NFIC: variants seen among roughly 807,000 people sequenced by gnomAD.
The protein encoded by NFIC is nuclear factor I C.
Under a neutral mutation model 54.4 loss-of-function variants are expected in NFIC, and 12 were observed. That is an observed-to-expected ratio of 0.22 (90% CI 0.14 to 0.36). The LOEUF (loss-of-function observed/expected upper bound fraction) is 0.36. Ranked by LOEUF, NFIC falls within the 10% of genes least tolerant of loss-of-function variation. The pLI is 1.00. For synonymous variants in NFIC, 322 were observed against 319.2 expected, an observed-to-expected ratio of 1.01 and a Z score of -0.09; for missense variants, 575 against 718.2, an observed-to-expected ratio of 0.80 and a Z score of 2.28.
intron 1 of NFIC, chr19:3,359,775 C>T: frequency 7.7e-7 from 1 of 1,300,754 alleles, no homozygotes; most frequent in Non-Finnish European, 9.9e-7. Flanking sequence ...TCTGGGGGGA[C>T]AGGGGGCGGG....
intron 2 of NFIC, among the ~76,000 whole-genome samples, chr19:3,409,057 G>C (rs1043368590): frequency 6.6e-6 from 1 of 152,020 alleles, no homozygotes; most frequent in African/African-American, 2.4e-5. Flanking sequence ...GTCTAAAATG[G>C]ATTGTATCAT....
intron 2 of NFIC, among the ~76,000 whole-genome samples, chr19:3,389,224 C>T (rs1325624343): frequency 6.6e-6 from 1 of 152,148 alleles, no homozygotes; most frequent in Non-Finnish European, 1.5e-5. Flanking sequence ...CCATAAAGCT[C>T]ACCCTGAGCT....
chr19:3,380,334 TG>T (rs1461669189), intron 1 of NFIC, among the ~76,000 whole-genome samples: 9 of 123,648 alleles, frequency 7.3e-5, no homozygotes, highest in African/African-American at 2.3e-4. Context: ...TTTTTTTTTT[TG>T]AGACAGTGTT....
chr19:3,359,907 A>G (rs2080788018), intron 1 of NFIC, among the ~76,000 whole-genome samples: 1 of 148,362 alleles, frequency 6.7e-6, no homozygotes, highest in African/African-American at 2.5e-5. Context: ...GCGCCGCGGG[A>G]GACCCCAAGT....
At chr19:3,384,393 T>C (rs972523742) in intron 2 of NFIC, among the ~76,000 whole-genome samples, 3 of 151,542 alleles carry the variant, frequency 2.0e-5, no homozygotes, top group Admixed American at 6.6e-5. Flanking sequence ...TTTTTTTTTT[T>C]CTTTCTTTTT....
At chr19:3,383,074 C>G (rs775260750) in intron 2 of NFIC, among the ~76,000 whole-genome samples, 4 of 152,014 alleles carry the variant, frequency 2.6e-5, no homozygotes, top group Non-Finnish European at 4.4e-5. Flanking sequence ...GTCTTGGGCA[C>G]AACGGACGGC....
At chr19:3,390,925 G>C (rs1002320588) in intron 2 of NFIC, among the ~76,000 whole-genome samples, 8 of 152,072 alleles carry the variant, frequency 5.3e-5, no homozygotes, top group African/African-American at 1.9e-4. Flanking sequence ...AGATGAGAAG[G>C]TTCTGGAGAG....
chr19:3,404,760 C>A (rs2081616973), intron 2 of NFIC, among the ~76,000 whole-genome samples: 1 of 152,242 alleles, frequency 6.6e-6, no homozygotes, highest in African/African-American at 2.4e-5. Context: ...GCGGCGTGGC[C>A]TCCCAGAGCG....
intron 6 of NFIC, among the ~76,000 whole-genome samples, chr19:3,447,548 C>A (rs1041008490): frequency 6.6e-6 from 1 of 152,186 alleles, no homozygotes; most frequent in South Asian, 2.1e-4. Context: ...GACGTTCCCT[C>A]GGAAAGCAGG....
chr19:3,361,551 G>A (rs955315003), upstream of NFIC, among the ~76,000 whole-genome samples: 1 of 144,984 alleles, frequency 6.9e-6, no homozygotes, highest in Non-Finnish European at 1.5e-5. Context: ...AAAGCCCAAG[G>A]CCAGGCTGGT....
chr19:3,456,666 G>A, intron 10 of NFIC, 31 bp downstream of exon 10: 1 of 1,444,032 alleles, frequency 6.9e-7, no homozygotes, highest in Non-Finnish European at 9.5e-7. Flanking sequence ...TGGTGGGGTG[G>A]GAGGGGCAGG....
intron 6 of NFIC, among the ~76,000 whole-genome samples, chr19:3,447,804 C>T (rs560614033): frequency 2.0e-4 from 30 of 152,374 alleles, no homozygotes; most frequent in African/African-American, 7.2e-4. Context: ...TCCCCCACAC[C>T]CAGGGGCTTT....
At chr19:3,385,668 GT>G (rs1335530121) in intron 2 of NFIC, among the ~76,000 whole-genome samples, 1 of 149,604 alleles carries the variant, frequency 6.7e-6, no homozygotes, top group Admixed American at 6.7e-5. Flanking sequence ...TGCCTCCCGG[GT>G]TCAAGCAATT....
In NFIC at chr19:3,453,143, G is replaced by C. The variant is rs1351514089; in HGVS notation, c.1269+477G>C. On this transcript the variant is annotated intron_variant, in intron 8 of 10. Coordinates refer to ENST00000443272, the MANE Select transcript of NFIC (RefSeq NM_001245002.2). The surrounding 1 kb of genome is among the most constrained non-coding windows in gnomAD (Gnocchi z 6.7). The stretch of plus-strand genomic sequence containing the variant: ...AGTCCCAGCTACTCAGGAGGCTGAG[G>C]TGGGAGGATCGCTTGAACCTGGGAG... Among the ~76,000 whole-genome samples the C allele has an allele frequency of 6.6e-6, 1 of 152,238 alleles. No individual in the cohort carries two copies. Among genetic ancestry groups the C allele is most frequent in the East Asian group, 1.9e-4 (1 of 5,198 alleles).
chr19:3,419,901 C>T (rs533666910), intron 2 of NFIC, among the ~76,000 whole-genome samples: 10 of 152,042 alleles, frequency 6.6e-5, no homozygotes, highest in Admixed American at 2.0e-4. Flanking sequence ...CTACAAAACC[C>T]CACAGCTAAC....
chr19:3,415,727 C>A (rs1483600926), intron 2 of NFIC, among the ~76,000 whole-genome samples: 1 of 152,148 alleles, frequency 6.6e-6, no homozygotes, highest in Non-Finnish European at 1.5e-5. Flanking sequence ...TCTCCCTAGA[C>A]AGCAATCTTT....
chr19:3,372,707 T>TCGG (rs1555739438), intron 1 of NFIC, among the ~76,000 whole-genome samples: 1 of 88,810 alleles, frequency 1.1e-5, no homozygotes, highest in African/African-American at 4.4e-5. Context: ...GGCCCAGGAG[T>TCGG]GGGGTGGGGG....
intron 3 of NFIC, among the ~76,000 whole-genome samples, chr19:3,429,416 A>G (rs1429003359): frequency 6.6e-6 from 1 of 151,158 alleles, no homozygotes; most frequent in African/African-American, 2.4e-5. Flanking sequence ...CTATCTCTAC[A>G]AAAAGTAATA....
chr19:3,426,598 C>T (rs1440759341), intron 3 of NFIC, among the ~76,000 whole-genome samples: 1 of 152,142 alleles, frequency 6.6e-6, no homozygotes, highest in Non-Finnish European at 1.5e-5. Context: ...CCATCCACGG[C>T]TCCCACCTCT....
Sources: allele counts gnomAD v4.1 joint callset (sites outside exome capture counted in the v4.1 genomes callset), GRCh38; gene constraint gnomAD v4.1.1; non-coding constraint Gnocchi (gnomAD v3.1); transcripts MANE v1.5; gene names NCBI Gene and HGNC (gene_info 2026-07-23, HGNC 2026-07-21).